Variants in LRRC9 observed in about 807,000 individuals in gnomAD.
LRRC9 encodes the protein leucine-rich repeat-containing protein 9.
Under a neutral mutation model 63.2 loss-of-function variants are expected in LRRC9, and 122 were observed. The ratio of observed to expected loss-of-function variants is 1.93; its 90% CI spans 1.67 to 2.24. The LOEUF (loss-of-function observed/expected upper bound fraction) is 2.24. LRRC9 is among the 30% of genes most tolerant of loss of function. LRRC9 has a pLI of 0.00. For missense variants in LRRC9, 1,071 were observed against 627.7 expected, an observed-to-expected ratio of 1.71 and a Z score of -7.55; for synonymous variants, 366 against 213.1, an observed-to-expected ratio of 1.72 and a Z score of -6.25.
At chr14:59,968,861 A>G (rs545042626) in intron 12 of LRRC9, among the ~76,000 whole-genome samples, 1 of 152,322 alleles carries the variant, frequency 6.6e-6, no homozygotes, top group Non-Finnish European at 1.5e-5. Context: ...TGCTCTGTCC[A>G]AAAGAGTAGC....
chr14:60,052,949 T>C (rs1894001397), intron 29 of LRRC9, 116 bp from the exon 30 acceptor site: 2 of 545,562 alleles, frequency 3.7e-6, no homozygotes, highest in Non-Finnish European at 6.5e-6. Context: ...TCTATTACTA[T>C]AAGTTAGCTA....
chr14:60,002,004 A>G (rs1376261149), exon 20 of LRRC9: 1 of 700,844 alleles, frequency 1.4e-6, no homozygotes, highest in African/African-American at 1.8e-5. Flanking sequence ...AAGAGGAGAG[A>G]CCACGGATAC....
intron 8 of LRRC9, among the ~76,000 whole-genome samples, chr14:59,949,522 G>A (rs1239098182): frequency 2.0e-5 from 3 of 151,176 alleles, no homozygotes; most frequent in Non-Finnish European, 4.4e-5. Context: ...GTTCTGCTCT[G>A]ATTTTAGTTA....
chr14:60,007,464 A>G (rs1889906017), intron 22 of LRRC9, among the ~76,000 whole-genome samples: 1 of 152,146 alleles, frequency 6.6e-6, no homozygotes, highest in Admixed American at 6.5e-5. Flanking sequence ...GTCTAATAAA[A>G]CAGCACATTT....
At chr14:59,940,426 C>T (rs1242500777) in intron 7 of LRRC9, among the ~76,000 whole-genome samples, 1 of 152,072 alleles carries the variant, frequency 6.6e-6, no homozygotes, top group Non-Finnish European at 1.5e-5. Flanking sequence ...ATTGATTCTT[C>T]AGATTTTCAC....
chr14:60,025,549 G>C (rs1213146679), intron 27 of LRRC9, among the ~76,000 whole-genome samples: 2 of 152,034 alleles, frequency 1.3e-5, no homozygotes, highest in Non-Finnish European at 2.9e-5. Flanking sequence ...TATTCAGGAA[G>C]TGAGGCAGTT....
intron 15 of LRRC9, among the ~76,000 whole-genome samples, chr14:59,980,356 T>G (rs1886799176): frequency 6.6e-6 from 1 of 152,170 alleles, no homozygotes; most frequent in Non-Finnish European, 1.5e-5. Flanking sequence ...TTCATCTAAT[T>G]TTGGATCACT....
chr14:60,037,519 A>T (rs1326801921), intron 29 of LRRC9, among the ~76,000 whole-genome samples: 1 of 152,230 alleles, frequency 6.6e-6, no homozygotes, highest in Non-Finnish European at 1.5e-5. Flanking sequence ...ATGGCCAGTG[A>T]TAATGAGCAT....
rs1892078554 is a variant in LRRC9, at chr14:60,032,557, G to A, written c.3990+494G>A. Among the ~76,000 whole-genome samples the A allele has an allele frequency of 2.6e-5, 4 of 152,108 alleles. 1 individual carries two copies. In the South Asian group the frequency reaches 6.2e-4, roughly 24 times the overall value. On this transcript the variant is annotated intron_variant, in intron 29 of 31. Coordinates refer to ENST00000445360, the Ensembl canonical transcript of LRRC9. ...TTCAATTTATAAATTAGTTTGGGGA[G>A]ACATTTGCAACCTTTCCTGTTGGAA...
intron 29 of LRRC9, among the ~76,000 whole-genome samples, chr14:60,033,970 G>A (rs148581685): frequency 2.4e-4 from 35 of 146,202 alleles, no homozygotes; most frequent in Non-Finnish European, 7.5e-5. Flanking sequence ...ATTCTGAGAA[G>A]TTGTATTATC....
At chr14:60,012,666 T>C (rs996586114) in intron 23 of LRRC9, among the ~76,000 whole-genome samples, 7 of 152,192 alleles carry the variant, frequency 4.6e-5, no homozygotes, top group Non-Finnish European at 2.9e-5. Flanking sequence ...AATAAAACTT[T>C]ATTGGAACAC....
intron 29 of LRRC9, among the ~76,000 whole-genome samples, chr14:60,036,917 C>T (rs1465193839): frequency 6.6e-6 from 1 of 152,138 alleles, no homozygotes; most frequent in African/African-American, 2.4e-5. Flanking sequence ...CCTCCCCACT[C>T]CCCCAACCCC....
intron 1 of LRRC9, 44 bp downstream of exon 1, chr14:59,920,317 G>A (rs1490348400): frequency 6.6e-6 from 1 of 152,244 alleles, no homozygotes; most frequent in Non-Finnish European, 1.5e-5. Context: ...ACATCACCGG[G>A]AGTCTTTGAT....
chr14:60,048,832 C>T (rs1893656569), intron 29 of LRRC9, among the ~76,000 whole-genome samples: 1 of 152,072 alleles, frequency 6.6e-6, no homozygotes, highest in African/African-American at 2.4e-5. Context: ...AGAGATACAA[C>T]AAAAAATGAA....
chr14:60,041,577 T>C (rs201644065), intron 29 of LRRC9, among the ~76,000 whole-genome samples: 139 of 152,360 alleles, frequency 9.1e-4, no homozygotes, highest in Admixed American at 1.8e-3. Flanking sequence ...TCTCCTGCCA[T>C]GGTTTTCAGC....
In LRRC9 at chr14:60,060,390, G is replaced by T. The variant is rs887240216; in HGVS notation, c.4276+2368G>T. ...CATGCTGTGGCTGATGGATCAAGGA[G>T]TAACTTCAAGTATTATGATTTAAGA... On this transcript the variant is annotated intron_variant, in intron 31 of 31. Coordinates refer to ENST00000445360, the Ensembl canonical transcript of LRRC9. This position sits in a 1 kb window ranked among gnomAD's most constrained non-coding sequence, Gnocchi z 4.0. Among the ~76,000 whole-genome samples the T allele has an allele frequency of 1.3e-5, 2 of 152,146 alleles. No homozygotes were observed. Among genetic ancestry groups the T allele is most frequent in the African/African-American group, 4.8e-5 (2 of 41,420 alleles).
Position 60,016,837 on chromosome 14 carries a change from G to A in LRRC9, c.3317+47G>A, listed in dbSNP as rs77217731. 4,452 of 592,456 alleles carry A rather than the reference G, an allele frequency of 7.5e-3. 218 individuals are homozygous for A. The East Asian group carries it at 0.092, about 12-fold the overall frequency. The allele number at this position is 592,456 out of a possible 1,614,324, so 36.7% of individuals were successfully genotyped here. ...CCTTTTTACATTATAATTACATTATGTAATTATTATCATTTTTCTGAAGCT... is the reference window on the plus strand; with the variant it reads ...CCTTTTTACATTATAATTACATTATATAATTATTATCATTTTTCTGAAGCT... On this transcript the variant is annotated intron_variant, in intron 24 of 31. Coordinates refer to ENST00000445360, the Ensembl canonical transcript of LRRC9.
chr14:59,979,586 T>C (rs1409408405), intron 15 of LRRC9, among the ~76,000 whole-genome samples: 1 of 152,038 alleles, frequency 6.6e-6, no homozygotes, highest in Non-Finnish European at 1.5e-5. Flanking sequence ...CATTCCAGCC[T>C]GGGCGACAGA....
At chr14:60,030,273 C>A (rs1157681003) in intron 28 of LRRC9, 1 of 152,020 alleles carries the variant, frequency 6.6e-6, no homozygotes, top group Non-Finnish European at 1.5e-5. Context: ...GAAGCTATAT[C>A]CTTGATAAAA....
Sources: allele counts gnomAD v4.1 joint callset (sites outside exome capture counted in the v4.1 genomes callset), GRCh38; gene constraint gnomAD v4.1.1; non-coding constraint Gnocchi (gnomAD v3.1); transcripts MANE v1.5; gene names NCBI Gene and HGNC (gene_info 2026-07-23, HGNC 2026-07-21).